PGR: variants seen among roughly 807,000 people sequenced by gnomAD.
The protein encoded by PGR is progesterone receptor.
In PGR, 25 loss-of-function variants were observed where a neutral mutation model predicts 76.1. The ratio of observed to expected loss-of-function variants is 0.33; its 90% CI spans 0.24 to 0.46. The LOEUF is 0.46. PGR is among the 20% of genes least tolerant of loss of function. The pLI, the probability that PGR is intolerant of heterozygous loss-of-function variation, is 1.00. For missense variants in PGR, 1,172 were observed against 1,225.3 expected, an observed-to-expected ratio of 0.96 and a Z score of 0.65; for synonymous variants, 579 against 535.0, an observed-to-expected ratio of 1.08 and a Z score of -1.14.
At chr11:101,066,052 C>A (rs755406175) in intron 3 of PGR, among the ~76,000 whole-genome samples, 3 of 152,188 alleles carry the variant, frequency 2.0e-5, no homozygotes, top group Non-Finnish European at 4.4e-5. Context: ...CACTCAGGGA[C>A]TTTTCTCTGA....
intron 3 of PGR, among the ~76,000 whole-genome samples, chr11:101,085,035 G>C (rs957472419): frequency 1.3e-5 from 2 of 152,144 alleles, no homozygotes; most frequent in African/African-American, 2.4e-5. Flanking sequence ...CATCAAGGCA[G>C]AAGACTAACA....
chr11:101,039,252 A>T lies in PGR; in HGVS notation c.2666T>A (p.Leu889Gln), dbSNP rs1244731916. 1 of 1,611,234 alleles carries T rather than the reference A, an allele frequency of 6.2e-7. No individual in the cohort carries two copies. Among genetic ancestry groups the T allele is most frequent in the East Asian group, 2.2e-5 (1 of 44,726 alleles). ...CTGGATAAATGTATTCAAGCAGTAC[A>T]GATGAAGTTGTTTGACAAGCTGTTG... ...NLHDLVKQLH[L>Q]YCLNTFIQSR... The change falls in exon 8 of 8, where the codon CTG (leucine) becomes CAG (glutamine). Residue 889 changes from leucine (L) to glutamine (Q), a missense_variant. Around this residue, in one of 4 missense-constraint regions of PGR, gnomAD observed 166 missense variants for 296.0 expected, o/e 0.56. Transcript: ENST00000325455.
intron 2 of PGR, among the ~76,000 whole-genome samples, chr11:101,105,345 C>A (rs1466800084): frequency 6.6e-6 from 1 of 152,120 alleles, no homozygotes; most frequent in African/African-American, 2.4e-5. Context: ...AGAAATGAGA[C>A]TGTCAGGAGA....
At chr11:101,109,485 G>T (rs1862276701) in intron 2 of PGR, among the ~76,000 whole-genome samples, 1 of 152,210 alleles carries the variant, frequency 6.6e-6, no homozygotes, top group Non-Finnish European at 1.5e-5. Context: ...TCTGGATAGA[G>T]GATCACGCCA....
chr11:101,106,497 A>C (rs1862167294), intron 2 of PGR, among the ~76,000 whole-genome samples: 1 of 152,232 alleles, frequency 6.6e-6, no homozygotes, highest in Admixed American at 6.5e-5. Flanking sequence ...GAGAAATGCA[A>C]ATCAAAATCA....
At chr11:101,058,632 C>T (rs578045465) in intron 4 of PGR, among the ~76,000 whole-genome samples, 1 of 152,270 alleles carries the variant, frequency 6.6e-6, no homozygotes, top group Admixed American at 6.5e-5. Context: ...AATATCAAGA[C>T]AAAATTTATG....
chr11:101,129,211 T>G lies in PGR; in HGVS notation c.-141A>C. The G allele has an allele frequency of 7.2e-5, 5 of 69,792 alleles. No individual in the cohort carries two copies. Among genetic ancestry groups the G allele is most frequent in the Non-Finnish European group, 1.4e-4 (5 of 37,002 alleles). The allele number at this position is 69,792 out of a possible 1,614,324, so 4.3% of individuals were successfully genotyped here. On this transcript the variant is annotated 5_prime_UTR_variant, in exon 1 of 8. Coordinates refer to ENST00000325455, the MANE Select transcript of PGR (RefSeq NM_000926.4). ...CTGGACCGGAGGGATCTCCACCTCCTGGGTCGGGGGCGGGGGAGGGCGGCG... is the reference window on the plus strand; with the variant it reads ...CTGGACCGGAGGGATCTCCACCTCCGGGGTCGGGGGCGGGGGAGGGCGGCG...
rs1859523266 is a variant in PGR, at chr11:101,036,577, G to A, written c.*2539C>T. 5.1e-6 allele frequency: 1 copy of A among 196,396 alleles called. No individual in the cohort carries two copies. 12.2% of individuals were successfully genotyped at this position (196,396 alleles called of 1,614,324 possible). On this transcript the variant is annotated 3_prime_UTR_variant, in exon 8 of 8. Coordinates refer to ENST00000325455, the MANE Select transcript of PGR (RefSeq NM_000926.4). ...TGGAGACATTAGTAGATAGGACTTT[G>A]TAGAGAAAAAGATTTAGAAATTAGG...
chr11:101,048,468 A>G (rs1859968167), intron 6 of PGR, among the ~76,000 whole-genome samples: 2 of 152,184 alleles, frequency 1.3e-5, no homozygotes, highest in Admixed American at 1.3e-4. Context: ...ATAGACTACT[A>G]TACACCTAGG....
chr11:101,062,493 G>T lies in PGR; in HGVS notation c.2166C>A (p.Gly722=), dbSNP rs778694072. The change falls in exon 4 of 8, where the codon GGC becomes GGA. Residue 722 remains glycine, a synonymous_variant. Transcript: ENST00000325455. The part of the protein sequence containing the change: ...SSLLTSLNQL[G]ERQLLSVVKW... ...TGACTACTGAAAGAAGTTGCCTCTC[G>T]CCTAGTTGATTAAGACTTGTCAGCA... 2 of 1,613,844 alleles carry T rather than the reference G, an allele frequency of 1.2e-6. No individual in the cohort carries two copies. Among genetic ancestry groups the T allele is most frequent in the South Asian group, 1.1e-5 (1 of 91,072 alleles).
At chr11:101,046,135 T>A (rs1859870530) in intron 6 of PGR, among the ~76,000 whole-genome samples, 1 of 139,626 alleles carries the variant, frequency 7.2e-6, no homozygotes, top group African/African-American at 2.7e-5. Context: ...ATTTATTTAT[T>A]TTTATTTTGA....
intron 2 of PGR, among the ~76,000 whole-genome samples, chr11:101,125,551 A>G (rs1862811835): frequency 6.6e-6 from 1 of 152,246 alleles, no homozygotes; most frequent in Non-Finnish European, 1.5e-5. Flanking sequence ...AAACTGCATC[A>G]TATACATGTT....
intron 4 of PGR, among the ~76,000 whole-genome samples, chr11:101,058,986 A>G (rs867142899): frequency 6.6e-5 from 10 of 152,188 alleles, no homozygotes; most frequent in African/African-American, 1.9e-4. Context: ...AGCTTTAATT[A>G]CTACCCTATG....
chr11:101,065,918 G>C (rs1240095224), intron 3 of PGR, among the ~76,000 whole-genome samples: 1 of 152,160 alleles, frequency 6.6e-6, no homozygotes, highest in Non-Finnish European at 1.5e-5. Flanking sequence ...GGGGAAAGAA[G>C]CTCCATTTGG....
Position 101,040,241 on chromosome 11 carries a change from A to C in PGR, c.2647-970T>G, listed in dbSNP as rs1035414361. Among the ~76,000 whole-genome samples the C allele has an allele frequency of 2.0e-5, 3 of 152,068 alleles. No individual in the cohort carries two copies. The East Asian group carries it at 5.8e-4, about 29-fold the overall frequency. Reference sequence around the variant, plus strand: ...AATCACCTCAATTACAGTCATACTTAGTGGTAATCTCTCAGTTCCATTTAT... The same window carrying C: ...AATCACCTCAATTACAGTCATACTTCGTGGTAATCTCTCAGTTCCATTTAT... On this transcript the variant is annotated intron_variant, in intron 7 of 7. Coordinates refer to ENST00000325455, the MANE Select transcript of PGR (RefSeq NM_000926.4).
chr11:101,090,837 A>G (rs1160600109), intron 3 of PGR, among the ~76,000 whole-genome samples: 2 of 152,226 alleles, frequency 1.3e-5, no homozygotes, highest in Admixed American at 1.3e-4. Flanking sequence ...CACATTTGCA[A>G]AAACAAATGA....
chr11:101,046,087 CTAAGA>C (rs1408445267), intron 6 of PGR, among the ~76,000 whole-genome samples: 1 of 150,616 alleles, frequency 6.6e-6, no homozygotes, highest in Non-Finnish European at 1.5e-5. Context: ...AATCCCTTTA[CTAAGA>C]TTTTAGTGTA....
chr11:101,089,536 A>C (rs979439414), intron 3 of PGR, among the ~76,000 whole-genome samples: 5 of 152,138 alleles, frequency 3.3e-5, no homozygotes, highest in Admixed American at 1.3e-4. Flanking sequence ...TCGTCCTCCC[A>C]CAGTGTAAGA....
At chr11:101,112,464 A>T (rs763442560) in intron 2 of PGR, among the ~76,000 whole-genome samples, 1 of 152,162 alleles carries the variant, frequency 6.6e-6, no homozygotes, top group Non-Finnish European at 1.5e-5. Context: ...GAGCTCTGGT[A>T]ACCCCAGAAA....
Sources: gnomAD v4.1 joint callset for allele counts (sites outside exome capture counted in the v4.1 genomes callset) on GRCh38, gnomAD v4.1.1 for gene constraint, gnomAD v4.1.1 regional missense constraint, MANE v1.5 for transcripts, NCBI Gene and HGNC (gene_info 2026-07-23, HGNC 2026-07-21) for gene names.